ZNF562: variants seen among roughly 807,000 people sequenced by gnomAD.
The protein encoded by ZNF562 is zinc finger protein 562.
A neutral mutation model predicts 17.5 loss-of-function variants in ZNF562; 13 were observed. The observed-to-expected ratio is 0.74, with a 90% CI of 0.48 to 1.18. ZNF562 has a LOEUF of 1.18. Ranked by LOEUF, ZNF562 falls within the 50% of genes most tolerant of loss-of-function variation. ZNF562 has a pLI of 0.00. For synonymous variants in ZNF562, 163 were observed against 165.4 expected (o/e 0.99, Z 0.11); for missense variants, 481 against 498.5 (o/e 0.96, Z 0.33).
chr19:9,655,586 A>G (rs1352275651), intron 5 of ZNF562, among the ~76,000 whole-genome samples: 1 of 151,242 alleles, frequency 6.6e-6, no homozygotes, highest in Non-Finnish European at 1.5e-5. Flanking sequence ...ACACCTGGCT[A>G]ATTTTGTATT....
chr19:9,656,618 G>T lies in ZNF562; in HGVS notation c.277C>A (p.Gln93Lys). ...FFCLTSEWEI[Q>K]PRTKRSSLQQ... ...AGTGATGACCGTTTGGTTCTAGGTT[G>T]TATTTCCCATTCTGAAGTTAAGCAG... is the stretch of plus-strand genomic sequence containing the variant. The change falls in exon 5 of 6, where the codon CAA becomes AAA. Residue 93 changes from glutamine (Q) to lysine (K), a missense_variant. By Grantham distance (53) the Gln-to-Lys change is moderately conservative (BLOSUM62 1). Around this residue, in one of 2 missense-constraint regions of ZNF562, gnomAD observed 403 missense variants for 386.4 expected, o/e 1.04. Coordinates refer to ENST00000453372, the MANE Select transcript of ZNF562 (RefSeq NM_001130031.2). 1 of 1,614,030 alleles carries T rather than the reference G, an allele frequency of 6.2e-7. No homozygotes were observed. Among genetic ancestry groups the T allele is most frequent in the Non-Finnish European group, 8.5e-7 (1 of 1,179,974 alleles).
At chr19:9,669,717 A>ACC (rs2044083162) in intron 1 of ZNF562, among the ~76,000 whole-genome samples, 1 of 98,942 alleles carries the variant, frequency 1.0e-5, no homozygotes, top group Admixed American at 1.2e-4. Context: ...CACGCGCGCG[A>ACC]GCGCGCGCGC....
chr19:9,663,629 G>C lies in ZNF562; in HGVS notation c.-130-2755C>G, dbSNP rs1204881254. Among the ~76,000 whole-genome samples the C allele has an allele frequency of 3.3e-5, 5 of 152,006 alleles. No individual in the cohort carries two copies. The East Asian group carries it at 9.7e-4, about 29-fold the overall frequency. ...AGTCTTGCTCTTATCGCCCAGGCTA[G>C]ACTGCAGTAGCACGATTGCCACCAC... On this transcript the variant is annotated intron_variant, in intron 1 of 5. Transcript: ENST00000453372.
At chr19:9,668,987 C>T (rs1429188683) in intron 1 of ZNF562, among the ~76,000 whole-genome samples, 1 of 151,998 alleles carries the variant, frequency 6.6e-6, no homozygotes, top group African/African-American at 2.4e-5. Flanking sequence ...AGACTTACAT[C>T]TAACACCTGA....
intron 1 of ZNF562, among the ~76,000 whole-genome samples, chr19:9,663,916 ATT>A (rs1045118128): frequency 6.8e-6 from 1 of 147,764 alleles, no homozygotes; most frequent in Non-Finnish European, 1.5e-5. Flanking sequence ...ATTCCCAGCT[ATT>A]TTTTTTTTGT....
chr19:9,655,739 T>C (rs2043451651), intron 5 of ZNF562, among the ~76,000 whole-genome samples: 1 of 124,066 alleles, frequency 8.1e-6, no homozygotes, highest in Non-Finnish European at 1.7e-5. Context: ...TTTTTTTTTT[T>C]TTTTTTTTTT....
At position 9,660,867 on chromosome 19, in the gene ZNF562, C is replaced by G. The variant is rs1440656200; in HGVS notation, c.-123G>C. 1.1e-6 allele frequency: 1 copy of G among 909,600 alleles called. No individual in the cohort carries two copies. The highest frequency in any genetic ancestry group is 1.7e-6 in the Non-Finnish European group (1 of 589,756). The allele number at this position is 909,600 out of a possible 1,614,324, so 56.3% of individuals were successfully genotyped here. A position where few individuals can be genotyped will look rare whatever the true frequency, so the allele number is the denominator to read the frequency against. On this transcript the variant is annotated 5_prime_UTR_variant, in exon 2 of 6. Coordinates refer to ENST00000453372, the MANE Select transcript of ZNF562 (RefSeq NM_001130031.2). ...TCCATTCCCCTTTGTACAGGGTTAT[C>G]TGAGGCCCTGTTCATACCAATCACC...
chr19:9,671,283 A>C (rs913397711), intron 1 of ZNF562, among the ~76,000 whole-genome samples: 1 of 152,180 alleles, frequency 6.6e-6, no homozygotes, highest in East Asian at 1.9e-4. Context: ...GGATTGTAAA[A>C]TAGGGAGTGG....
At chr19:9,659,002 T>C (rs1599287343) in intron 3 of ZNF562, among the ~76,000 whole-genome samples, 1 of 152,186 alleles carries the variant, frequency 6.6e-6, no homozygotes, top group Non-Finnish European at 1.5e-5. Flanking sequence ...TCCTGTCCCA[T>C]TGGTCTCTGG....
chr19:9,673,248 G>A (rs948911898), intron 1 of ZNF562, among the ~76,000 whole-genome samples: 2 of 152,134 alleles, frequency 1.3e-5, no homozygotes, highest in Non-Finnish European at 2.9e-5. Context: ...AGACACAGAA[G>A]TAGGGACCCA....
In ZNF562 at chr19:9,651,506, T is replaced by C. The variant is rs2074866635; in HGVS notation, c.*1443A>G. 1 of 152,120 alleles carries C rather than the reference T, an allele frequency of 6.6e-6. No homozygotes were observed. The highest frequency in any genetic ancestry group is 1.5e-5 in the Non-Finnish European group (1 of 68,030). The allele number at this position is 152,120 out of a possible 1,614,324, so 9.4% of individuals were successfully genotyped here. A position where few individuals can be genotyped will look rare whatever the true frequency, so the allele number is the denominator to read the frequency against. Reference sequence around the variant, plus strand: ...AATGAGAAACTGGCCATAAACAAAATCTCTGCAGCACTGTGACATGCTCGT... The same window carrying C: ...AATGAGAAACTGGCCATAAACAAAACCTCTGCAGCACTGTGACATGCTCGT... On this transcript the variant is annotated 3_prime_UTR_variant, in exon 6 of 6. Coordinates refer to ENST00000453372, the MANE Select transcript of ZNF562 (RefSeq NM_001130031.2).
rs934856903 is a variant in ZNF562, at chr19:9,649,120, T to G, written c.*3829A>C. The G allele has an allele frequency of 2.0e-5, 3 of 152,216 alleles. No individual in the cohort carries two copies. Among genetic ancestry groups the G allele is most frequent in the Admixed American group, 1.3e-4 (2 of 15,278 alleles). 9.4% of individuals were successfully genotyped at this position (152,216 alleles called of 1,614,324 possible). A position where few individuals can be genotyped will look rare whatever the true frequency, so the allele number is the denominator to read the frequency against. On this transcript the variant is annotated 3_prime_UTR_variant, in exon 6 of 6. Coordinates refer to ENST00000453372, the MANE Select transcript of ZNF562 (RefSeq NM_001130031.2). The stretch of plus-strand genomic sequence containing the variant: ...AAATTAATACTTTTATAATTTCTTA[T>G]GCCTGTCTTTACTGCAATCTCTAAA...
At chr19:9,663,403 C>G (rs973735199) in intron 1 of ZNF562, among the ~76,000 whole-genome samples, 8 of 135,210 alleles carry the variant, frequency 5.9e-5, no homozygotes, top group African/African-American at 2.5e-4. Flanking sequence ...GAGCGAGACT[C>G]CATCTCAAAA....
intron 5 of ZNF562, among the ~76,000 whole-genome samples, chr19:9,654,782 T>C (rs1266319219): frequency 6.6e-6 from 1 of 152,150 alleles, no homozygotes; most frequent in Non-Finnish European, 1.5e-5. Flanking sequence ...TCTTGGTATG[T>C]AGCCTAGGCT....
intron 2 of ZNF562, among the ~76,000 whole-genome samples, chr19:9,659,914 A>T (rs2043660291): frequency 7.9e-6 from 1 of 126,312 alleles, no homozygotes. Context: ...CAACATGGCA[A>T]AACCCCGTCT....
At chr19:9,656,871 AATAT>A (rs142526474) in intron 4 of ZNF562, among the ~76,000 whole-genome samples, 1 of 142,428 alleles carries the variant, frequency 7.0e-6, no homozygotes, top group African/African-American at 2.6e-5. Context: ...AAAATACAAA[AATAT>A]ATATATATAT....
chr19:9,659,496 G>T, intron 2 of ZNF562, 29 bp from the exon 3 acceptor site: 1 of 1,546,706 alleles, frequency 6.5e-7, no homozygotes, highest in East Asian at 2.4e-5. Context: ...GGCATGAGAA[G>T]CCAGAGCTGC....
chr19:9,669,724 GCGCGCGCGCGCACACACACACACA>G (rs1289300988), intron 1 of ZNF562, among the ~76,000 whole-genome samples: 19 of 77,980 alleles, frequency 2.4e-4, no homozygotes, highest in African/African-American at 9.0e-4. Flanking sequence ...GCGAGCGCGC[GCGCGCGCGCGCACACACACACACA>G]CACACACACA....
chr19:9,664,845 AAAAAGAAAAG>A (rs540743921), intron 1 of ZNF562, among the ~76,000 whole-genome samples: 31 of 152,164 alleles, frequency 2.0e-4, no homozygotes, highest in Admixed American at 2.0e-3. Context: ...ACTCTGTCTC[AAAAAGAAAAG>A]AAAAGAAAAG....
Sources: gnomAD v4.1 joint callset for allele counts (sites outside exome capture counted in the v4.1 genomes callset) on GRCh38, gnomAD v4.1.1 for gene constraint, gnomAD v4.1.1 regional missense constraint, MANE v1.5 for transcripts, NCBI Gene and HGNC (gene_info 2026-07-23, HGNC 2026-07-21) for gene names.